The following ALMS1 variants were observed in gnomAD, a reference collection of about 807,000 sequenced individuals.
ALMS1 encodes centrosome-associated protein ALMS1.
In ALMS1, 271 loss-of-function variants were observed where a neutral mutation model predicts 352.2. That is an observed-to-expected ratio of 0.77 (90% CI 0.70 to 0.85). The LOEUF is 0.85. Among genes scored for constraint, ALMS1 ranks in the 40% least tolerant of loss-of-function variants. The pLI, the probability that ALMS1 is intolerant of heterozygous loss-of-function variation, is 0.00. For missense variants in ALMS1, 5,445 were observed against 4,870.7 expected (o/e 1.12, Z -3.51); for synonymous variants, 1,865 against 1,761.2 (o/e 1.06, Z -1.48).
intron 12 of ALMS1, among the ~76,000 whole-genome samples, chr2:73,540,668 G>C (rs1412467325): frequency 3.3e-5 from 5 of 152,104 alleles, no homozygotes; most frequent in African/African-American, 1.2e-4. Context: ...AAAATAAAGG[G>C]ATAGAGGAAG....
At chr2:73,432,097 A>G in intron 6 of ALMS1, 101 bp from the exon 7 acceptor site, 1 of 887,684 alleles carries the variant, frequency 1.1e-6, no homozygotes. Flanking sequence ...GAGGTTTGAA[A>G]TTAATATCTT....
At chr2:73,538,927 CT>C (rs1388901962) in intron 12 of ALMS1, among the ~76,000 whole-genome samples, 51 of 152,314 alleles carry the variant, frequency 3.3e-4, no homozygotes, top group African/African-American at 1.2e-3. Flanking sequence ...TCAAGGATGC[CT>C]GCCTGCCTCT....
intron 10 of ALMS1, among the ~76,000 whole-genome samples, chr2:73,517,482 A>C (rs989728288): frequency 1.3e-5 from 2 of 151,952 alleles, no homozygotes; most frequent in East Asian, 3.9e-4. Context: ...TCCTTGGCTC[A>C]AGTGATCCTC....
chr2:73,516,426 C>T (rs1485403712), intron 10 of ALMS1, among the ~76,000 whole-genome samples: 1 of 152,184 alleles, frequency 6.6e-6, no homozygotes, highest in African/African-American at 2.4e-5. Flanking sequence ...CCATTCAACT[C>T]AGCAGTCCCA....
chr2:73,590,405 A>G (rs1427516769), intron 16 of ALMS1, among the ~76,000 whole-genome samples: 1 of 152,230 alleles, frequency 6.6e-6, no homozygotes, highest in African/African-American at 2.4e-5. Flanking sequence ...CAAAATATTG[A>G]TGAATTCTCA....
At position 73,519,988 on chromosome 2, in the gene ALMS1, A is replaced by ACCT. The variant is rs766127195; in HGVS notation, c.9754_9755insCTC (p.Gln3251_Gln3252insPro). 7 of 1,614,118 alleles carry ACCT rather than the reference A, an allele frequency of 4.3e-6. No homozygotes were observed. The South Asian group carries it at 7.7e-5, about 18-fold the overall frequency. Reference sequence around the variant, plus strand: ...AGTTTGCCTCATCATCTTCAGTCCAACAGGTTACTTTTTCTCGCGGCACAG... The same window carrying ACCT: ...AGTTTGCCTCATCATCTTCAGTCCAACCTCAGGTTACTTTTTCTCGCGGCACAG... On this transcript the variant is annotated inframe_insertion, in exon 11 of 23. Transcript: ENST00000613296.
At chr2:73,481,334 A>C (rs1314321101) in intron 9 of ALMS1, among the ~76,000 whole-genome samples, 1 of 152,148 alleles carries the variant, frequency 6.6e-6, no homozygotes, top group Non-Finnish European at 1.5e-5. Context: ...TAAACAGGGA[A>C]TCCTTTCCCC....
chr2:73,593,602 AACTTT>A (rs1009762889), intron 16 of ALMS1, among the ~76,000 whole-genome samples: 2 of 152,220 alleles, frequency 1.3e-5, no homozygotes, highest in Non-Finnish European at 2.9e-5. Flanking sequence ...CCATGCCGTA[AACTTT>A]ACCTGTTTAA....
chr2:73,390,428 CAT>C (rs1488212414), intron 1 of ALMS1, among the ~76,000 whole-genome samples: 1 of 152,184 alleles, frequency 6.6e-6, no homozygotes, highest in Non-Finnish European at 1.5e-5. Context: ...AATTTACTCT[CAT>C]ATCTCACTAG....
At chr2:73,437,679 A>C (rs1671631321) in intron 7 of ALMS1, among the ~76,000 whole-genome samples, 1 of 152,144 alleles carries the variant, frequency 6.6e-6, no homozygotes, top group South Asian at 2.1e-4. Context: ...CTCCTCACTT[A>C]TCTCTCAGAG....
At chr2:73,507,223 T>C (rs1480856175) in intron 10 of ALMS1, among the ~76,000 whole-genome samples, 5 of 152,232 alleles carry the variant, frequency 3.3e-5, no homozygotes, top group Non-Finnish European at 7.3e-5. Flanking sequence ...TTATCAGGTA[T>C]ATTGGCCTGA....
intron 1 of ALMS1, among the ~76,000 whole-genome samples, chr2:73,396,550 C>CTTTTTTT: frequency 2.6e-5 from 2 of 78,252 alleles, no homozygotes; most frequent in Non-Finnish European, 4.6e-5. Context: ...GGTCTGAGCT[C>CTTTTTTT]TTTTTTTTTT....
chr2:73,393,152 T>C (rs1255713176), intron 1 of ALMS1, among the ~76,000 whole-genome samples: 2 of 149,670 alleles, frequency 1.3e-5, no homozygotes, highest in African/African-American at 5.1e-5. Context: ...CTATTTACTA[T>C]TGGATTGTAA....
At chr2:73,510,456 C>G (rs570020039) in intron 10 of ALMS1, among the ~76,000 whole-genome samples, 3 of 152,292 alleles carry the variant, frequency 2.0e-5, no homozygotes, top group Non-Finnish European at 4.4e-5. Context: ...AGTTTTCCTT[C>G]TAACAGTCAG....
At chr2:73,460,854 C>T (rs953888063) in intron 9 of ALMS1, among the ~76,000 whole-genome samples, 6 of 152,234 alleles carry the variant, frequency 3.9e-5, no homozygotes, top group African/African-American at 1.4e-4. Flanking sequence ...GCACAGCAGT[C>T]TGAGATCAAA....
intron 10 of ALMS1, among the ~76,000 whole-genome samples, chr2:73,503,087 CTTTT>C (rs888220981): frequency 1.3e-5 from 2 of 151,196 alleles, no homozygotes; most frequent in East Asian, 3.9e-4. Flanking sequence ...CCAGTAATGT[CTTTT>C]TTTTTATTTT....
intron 10 of ALMS1, among the ~76,000 whole-genome samples, chr2:73,505,858 C>A (rs1009118631): frequency 1.1e-4 from 16 of 151,982 alleles, no homozygotes; most frequent in African/African-American, 3.9e-4. Context: ...AGTCATGAAA[C>A]CTTTGCCCAT....
intron 11 of ALMS1, among the ~76,000 whole-genome samples, chr2:73,528,717 A>C (rs1292597204): frequency 6.6e-6 from 1 of 151,616 alleles, no homozygotes; most frequent in Non-Finnish European, 1.5e-5. Context: ...GATTTAGTCT[A>C]CTGCTTTTTA....
At position 73,455,128 on chromosome 2, in the gene ALMS1, A is replaced by G. The variant is rs149884608; in HGVS notation, c.7541-34A>G. The G allele has an allele frequency of 3.1e-6, 5 of 1,611,358 alleles. No individual in the cohort carries two copies. In the South Asian group the frequency reaches 3.3e-5, roughly 11 times the overall value. On this transcript the variant is annotated intron_variant, in intron 8 of 22. Transcript: ENST00000613296. ...ATTGTTGACAAATTATCACTTTTGC[A>G]TTGTATTATCTCAAGTGTATGCTTT...
Sources: allele counts gnomAD v4.1 joint callset (sites outside exome capture counted in the v4.1 genomes callset), GRCh38; gene constraint gnomAD v4.1.1; transcripts MANE v1.5; gene names NCBI Gene and HGNC (gene_info 2026-07-23, HGNC 2026-07-21).